KIAA1549L: variants seen among roughly 807,000 people sequenced by gnomAD.
The protein encoded by KIAA1549L is UPF0606 protein KIAA1549L.
KIAA1549L carries 88 observed loss-of-function variants against 160.7 expected under a neutral mutation model. The ratio of observed to expected loss-of-function variants is 0.55; its 90% CI spans 0.46 to 0.65. The LOEUF is 0.65. KIAA1549L is among the 30% of genes least tolerant of loss of function. KIAA1549L has a pLI of 0.00. For synonymous variants in KIAA1549L, 950 were observed against 976.7 expected (o/e 0.97, Z 0.51); for missense variants, 2,258 against 2,437.5 (o/e 0.93, Z 1.55).
Position 33,543,162 on chromosome 11 carries a change from G to A in KIAA1549L, c.1599G>A (p.Gly533=), listed in dbSNP as rs758028976. The A allele has an allele frequency of 8.7e-6, 14 of 1,613,720 alleles. No homozygotes were observed. In the Admixed American group the frequency reaches 2.3e-4, roughly 27 times the overall value. ...MPTLPAEGSD[G]SPPATRDLLL... ...CTCTTCCAGCAGAGGGCAGTGATGG[G>A]TCCCCTCCTGCAACTAGAGACTTGC... The change falls in exon 2 of 21, where the codon GGG becomes GGA. Residue 533 remains glycine, a synonymous_variant. Transcript: ENST00000658780.
intron 8 of KIAA1549L, among the ~76,000 whole-genome samples, chr11:33,565,069 C>T (rs947700044): frequency 1.3e-5 from 2 of 152,150 alleles, no homozygotes; most frequent in Non-Finnish European, 2.9e-5. Context: ...GGACCAGGGC[C>T]CTGGCTGATG....
chr11:33,492,779 C>G (rs1401256631), intron 1 of KIAA1549L, among the ~76,000 whole-genome samples: 1 of 152,166 alleles, frequency 6.6e-6, no homozygotes, highest in Non-Finnish European at 1.5e-5. Context: ...CCCACACATT[C>G]TATTCATTAT....
intron 12 of KIAA1549L, 75 bp from the exon 13 acceptor site, chr11:33,598,745 C>T (rs1349004597): frequency 6.5e-7 from 1 of 1,536,428 alleles, no homozygotes; most frequent in African/African-American, 1.4e-5. Context: ...TTAAACTGTG[C>T]AAATAAAATA....
chr11:33,646,356 GA>G (rs1315375515), intron 17 of KIAA1549L, among the ~76,000 whole-genome samples: 2 of 152,184 alleles, frequency 1.3e-5, no homozygotes, highest in East Asian at 3.8e-4. Context: ...TTTCAAGCCT[GA>G]GACCCATTTT....
intron 1 of KIAA1549L, among the ~76,000 whole-genome samples, chr11:33,514,354 G>C (rs1179055820): frequency 6.6e-6 from 1 of 152,144 alleles, no homozygotes; most frequent in African/African-American, 2.4e-5. Context: ...GGGGAACCAC[G>C]GACTGATCAA....
chr11:33,428,352 G>A (rs892420279), intron 1 of KIAA1549L, among the ~76,000 whole-genome samples: 1 of 134,886 alleles, frequency 7.4e-6, no homozygotes, highest in Non-Finnish European at 1.5e-5. Flanking sequence ...TGTGCACAAC[G>A]TGCAGGTTTG....
At position 33,552,197 on chromosome 11, in the gene KIAA1549L, G is replaced by A. The variant is rs1268634341; in HGVS notation, c.3811G>A (p.Ala1271Thr). ...EQRLQKAFQDAERKVLNTKSN... is the reference protein window; with the variant it reads ...EQRLQKAFQDTERKVLNTKSN... The stretch of plus-strand genomic sequence containing the variant: ...GAGGCTGCAGAAGGCATTCCAGGAT[G>A]CCGAGAGGAAAGTCCTGAATACCAA... The change falls in exon 6 of 21, where the codon GCC (alanine) becomes ACC (threonine). Residue 1271 changes from alanine (A) to threonine (T), a missense_variant. Ala to Thr is a moderately conservative substitution (Grantham distance 58). Coordinates refer to ENST00000658780, the MANE Select transcript of KIAA1549L (RefSeq NM_012194.3). 1 of 1,609,308 alleles carries A rather than the reference G, an allele frequency of 6.2e-7. No individual in the cohort carries two copies. Among genetic ancestry groups the A allele is most frequent in the Non-Finnish European group, 8.5e-7 (1 of 1,177,748 alleles).
At chr11:33,624,730 TTC>T in intron 16 of KIAA1549L, among the ~76,000 whole-genome samples, 1 of 151,550 alleles carries the variant, frequency 6.6e-6, no homozygotes, top group African/African-American at 2.4e-5. Flanking sequence ...TTAAGAGATT[TTC>T]TTTTTTTTTT....
intron 1 of KIAA1549L, among the ~76,000 whole-genome samples, chr11:33,492,010 T>C (rs1852676508): frequency 6.6e-6 from 1 of 152,180 alleles, no homozygotes; most frequent in African/African-American, 2.4e-5. Flanking sequence ...TTTTTGTGGG[T>C]TACCAACCCT....
At chr11:33,498,346 C>T (rs1187762308) in intron 1 of KIAA1549L, among the ~76,000 whole-genome samples, 3 of 152,156 alleles carry the variant, frequency 2.0e-5, no homozygotes, top group African/African-American at 7.2e-5. Flanking sequence ...GTGGTGGTTC[C>T]TGCTCTCATT....
intron 9 of KIAA1549L, among the ~76,000 whole-genome samples, chr11:33,569,734 T>C (rs1338830990): frequency 6.6e-6 from 1 of 152,214 alleles, no homozygotes; most frequent in Non-Finnish European, 1.5e-5. Flanking sequence ...TGGTCTGAGA[T>C]GACCTTACCA....
chr11:33,412,476 C>CT (rs1235069170), intron 1 of KIAA1549L, among the ~76,000 whole-genome samples: 1 of 152,190 alleles, frequency 6.6e-6, no homozygotes, highest in African/African-American at 2.4e-5. Flanking sequence ...ATAAATAAGA[C>CT]TGTGTGGGCT....
chr11:33,618,564 C>A lies in KIAA1549L; in HGVS notation c.5311C>A (p.Arg1771=). ...GATGAAGAACTCTGTCTACAGAAGCCGGCAGTCTCTGAACAGCCCGAGTCC... is the reference window on the plus strand; with the variant it reads ...GATGAAGAACTCTGTCTACAGAAGCAGGCAGTCTCTGAACAGCCCGAGTCC... ...QQMKNSVYRS[R]QSLNSPSPGE... is the part of the protein sequence containing the mutation. Residue 1771 remains arginine, a synonymous_variant, in exon 16 of 21, where the codon CGG becomes AGG. Coordinates refer to ENST00000658780, the MANE Select transcript of KIAA1549L (RefSeq NM_012194.3). 6.2e-7 allele frequency: 1 copy of A among 1,610,072 alleles called. No individual in the cohort carries two copies. The highest frequency in any genetic ancestry group is 8.5e-7 in the Non-Finnish European group (1 of 1,177,262).
At chr11:33,412,327 A>G (rs1186704882) in intron 1 of KIAA1549L, among the ~76,000 whole-genome samples, 1 of 152,212 alleles carries the variant, frequency 6.6e-6, no homozygotes, top group Non-Finnish European at 1.5e-5. Flanking sequence ...TATTATATGA[A>G]TGACTCCTGT....
rs143768350 is a variant in KIAA1549L, at chr11:33,386,318, T to C, written c.238+9429T>C. Among the ~76,000 whole-genome samples the C allele has an allele frequency of 2.4e-3, 362 of 152,328 alleles. 3 individuals carry two copies. The highest frequency in any genetic ancestry group is 8.2e-3 in the African/African-American group (339 of 41,578). On this transcript the variant is annotated intron_variant, in intron 1 of 20. Transcript: ENST00000658780. ...TGGTTATCAGATTTTGGCAAATGCT[T>C]TCTCTTTGTCTATTGAGATGATCAC...
rs1229817999 is a variant in KIAA1549L, at chr11:33,668,549, ACT to A, written c.*398_*399del. 1.3e-5 allele frequency: 3 copies of A among 237,374 alleles called. No individual in the cohort carries two copies. The highest frequency in any genetic ancestry group is 5.0e-5 in the Admixed American group (1 of 19,886). The allele number at this position is 237,374 out of a possible 1,614,324, so 14.7% of individuals were successfully genotyped here. A position where few individuals can be genotyped will look rare whatever the true frequency, so the allele number is the denominator to read the frequency against. ...TATCTTCGGTGACCTCTGCATGTTA[ACT>A]CTGTTTCTGTGTTAAAGGCAATGCA... On this transcript the variant is annotated 3_prime_UTR_variant, in exon 21 of 21. Transcript: ENST00000658780.
intron 15 of KIAA1549L, among the ~76,000 whole-genome samples, chr11:33,610,920 G>A (rs1258520447): frequency 6.6e-6 from 1 of 152,226 alleles, no homozygotes; most frequent in Non-Finnish European, 1.5e-5. Context: ...GGCAAAGAGA[G>A]AGCAAGAGCA....
chr11:33,616,998 T>C (rs1022773187), intron 15 of KIAA1549L, among the ~76,000 whole-genome samples: 4 of 151,852 alleles, frequency 2.6e-5, no homozygotes, highest in Admixed American at 2.6e-4. Flanking sequence ...AAAATTAGCC[T>C]AGCTTTGTGG....
intron 16 of KIAA1549L, among the ~76,000 whole-genome samples, chr11:33,635,392 G>A (rs759815895): frequency 5.3e-5 from 8 of 152,320 alleles, no homozygotes; most frequent in Non-Finnish European, 8.8e-5. Context: ...CCCTTGCCAC[G>A]AAGTTGCATA....
Sources: gnomAD v4.1 joint callset for allele counts (sites outside exome capture counted in the v4.1 genomes callset) on GRCh38, gnomAD v4.1.1 for gene constraint, MANE v1.5 for transcripts, NCBI Gene and HGNC (gene_info 2026-07-23, HGNC 2026-07-21) for gene names.